MACROD2: variants seen among roughly 807,000 people sequenced by gnomAD.
MACROD2 encodes the protein ADP-ribose glycohydrolase MACROD2.
In MACROD2, 36 loss-of-function variants were observed where a neutral mutation model predicts 70.4. The ratio of observed to expected loss-of-function variants is 0.51; its 90% CI spans 0.39 to 0.68. MACROD2 has a LOEUF of 0.68. Among genes scored for constraint, MACROD2 ranks in the 30% least tolerant of loss-of-function variants. The probability of loss-of-function intolerance (pLI) is 0.00; values close to 1 mark genes in which losing one functional copy is unlikely to be tolerated. For synonymous variants in MACROD2, 172 were observed against 178.8 expected (o/e 0.96, Z 0.30); for missense variants, 496 against 538.4 (o/e 0.92, Z 0.78).
At chr20:14,461,041 A>G (rs1038050678) in intron 3 of MACROD2, among the ~76,000 whole-genome samples, 22 of 151,934 alleles carry the variant, frequency 1.4e-4, no homozygotes, top group Admixed American at 1.4e-3. Flanking sequence ...TTTGGCTGTG[A>G]ATCTGTCTGG....
At chr20:15,703,566 A>G (rs1600782372) in intron 8 of MACROD2, among the ~76,000 whole-genome samples, 1 of 152,346 alleles carries the variant, frequency 6.6e-6, no homozygotes, top group Non-Finnish European at 1.5e-5. Context: ...CTGATGACTA[A>G]TAACAGATTA....
intron 5 of MACROD2, among the ~76,000 whole-genome samples, chr20:14,779,206 C>T (rs745368265): frequency 4.6e-5 from 7 of 152,062 alleles, no homozygotes; most frequent in Non-Finnish European, 8.8e-5. Flanking sequence ...GCTCACAGCA[C>T]GTCCACAGCA....
chr20:14,495,267 T>G (rs1393038419), intron 4 of MACROD2, among the ~76,000 whole-genome samples: 1 of 152,180 alleles, frequency 6.6e-6, no homozygotes, highest in Non-Finnish European at 1.5e-5. Context: ...TTTTCTGTTC[T>G]TTCCTAGTGC....
At chr20:14,425,397 A>G (rs1279716400) in intron 3 of MACROD2, among the ~76,000 whole-genome samples, 1 of 152,202 alleles carries the variant, frequency 6.6e-6, no homozygotes, top group Non-Finnish European at 1.5e-5. Context: ...ATTATGATAT[A>G]GCTCTGTTCA....
rs118144112 is a variant in MACROD2, at chr20:14,585,692, T to G, written c.301+92184T>G. Among the ~76,000 whole-genome samples, 640 of 152,256 alleles carry G rather than the reference T, an allele frequency of 4.2e-3. 32 individuals carry two copies. The East Asian group carries it at 0.11, about 26-fold the overall frequency. ...AAGTGTACAGAAAAGATTAAATATG[T>G]AAGGTGTTCCTATACCAAAGATGGA... On this transcript the variant is annotated intron_variant, in intron 4 of 17. Transcript: ENST00000684519.
intron 8 of MACROD2, among the ~76,000 whole-genome samples, chr20:15,595,485 T>C (rs1424224496): frequency 6.6e-6 from 1 of 152,166 alleles, no homozygotes; most frequent in Admixed American, 6.5e-5. Context: ...AGTTTATTCA[T>C]TGCAACATTA....
At chr20:14,830,036 T>A (rs1019247603) in intron 5 of MACROD2, among the ~76,000 whole-genome samples, 2 of 152,138 alleles carry the variant, frequency 1.3e-5, no homozygotes, top group Non-Finnish European at 2.9e-5. Flanking sequence ...CTGTGGCTAT[T>A]TGGTTTCTTT....
At chr20:15,104,623 A>G (rs1481452158) in intron 5 of MACROD2, among the ~76,000 whole-genome samples, 1 of 152,128 alleles carries the variant, frequency 6.6e-6, no homozygotes, top group African/African-American at 2.4e-5. Flanking sequence ...GGAATAGTCT[A>G]CATACCTGCG....
intron 5 of MACROD2, among the ~76,000 whole-genome samples, chr20:14,788,356 G>A (rs997865062): frequency 5.3e-5 from 8 of 151,976 alleles, no homozygotes; most frequent in African/African-American, 1.4e-4. Flanking sequence ...AGGCCAAGGC[G>A]GGCGGATTGC....
At chr20:14,862,015 A>T (rs1431069406) in intron 5 of MACROD2, among the ~76,000 whole-genome samples, 1 of 24,010 alleles carries the variant, frequency 4.2e-5, no homozygotes, top group African/African-American at 1.8e-4. Context: ...TTATATATAT[A>T]TATTTATATA....
intron 7 of MACROD2, among the ~76,000 whole-genome samples, chr20:15,482,805 T>C (rs2146457347): frequency 6.6e-6 from 1 of 152,292 alleles, no homozygotes; most frequent in African/African-American, 2.4e-5. Flanking sequence ...AATTTGCATT[T>C]CTCTTATGAC....
chr20:14,440,057 C>A (rs775156552), intron 3 of MACROD2, among the ~76,000 whole-genome samples: 18 of 152,082 alleles, frequency 1.2e-4, no homozygotes, highest in Non-Finnish European at 2.5e-4. Flanking sequence ...GAGATTTGAA[C>A]CTTATTCTAT....
At chr20:15,071,769 T>C (rs1481059885) in intron 5 of MACROD2, among the ~76,000 whole-genome samples, 2 of 152,222 alleles carry the variant, frequency 1.3e-5, no homozygotes, top group East Asian at 3.8e-4. Flanking sequence ...ATTTCAGGGT[T>C]TGTTGTTCTG....
intron 3 of MACROD2, among the ~76,000 whole-genome samples, chr20:14,127,197 C>T (rs985953156): frequency 3.3e-5 from 5 of 152,094 alleles, no homozygotes; most frequent in South Asian, 2.1e-4. Context: ...ATATAGAGAA[C>T]GTTTTATTGG....
chr20:15,367,286 A>T (rs543892074), intron 6 of MACROD2, among the ~76,000 whole-genome samples: 1 of 152,132 alleles, frequency 6.6e-6, no homozygotes, highest in Non-Finnish European at 1.5e-5. Context: ...TTAGCCTCCC[A>T]AAGTGCTGGG....
At chr20:14,541,598 T>TCACA (rs139991575) in intron 4 of MACROD2, among the ~76,000 whole-genome samples, 38,374 of 150,236 alleles carry the variant, frequency 0.26, 5,015 homozygotes, top group East Asian at 0.43. Flanking sequence ...ACAGCACACA[T>TCACA]CACACACACA....
At chr20:15,974,435 G>A (rs2066275551) in intron 13 of MACROD2, among the ~76,000 whole-genome samples, 1 of 152,154 alleles carries the variant, frequency 6.6e-6, no homozygotes, top group African/African-American at 2.4e-5. Context: ...GCTACATATT[G>A]TATGAATCCA....
chr20:15,354,367 G>A (rs1371499749), intron 6 of MACROD2, among the ~76,000 whole-genome samples: 1 of 152,104 alleles, frequency 6.6e-6, no homozygotes, highest in African/African-American at 2.4e-5. Flanking sequence ...GGGGTAGCGG[G>A]GAGGGATAGC....
At chr20:14,784,196 T>C (rs2072335950) in intron 5 of MACROD2, among the ~76,000 whole-genome samples, 1 of 152,108 alleles carries the variant, frequency 6.6e-6, no homozygotes, top group African/African-American at 2.4e-5. Context: ...CTGATGCCAT[T>C]TCCCTGCTAG....
Sources: allele counts gnomAD v4.1 joint callset (sites outside exome capture counted in the v4.1 genomes callset), GRCh38; gene constraint gnomAD v4.1.1; transcripts MANE v1.5; gene names NCBI Gene and HGNC (gene_info 2026-07-23, HGNC 2026-07-21).